ARHGEF28: variants seen among roughly 807,000 people sequenced by gnomAD.
ARHGEF28 encodes the protein 190 kDa guanine nucleotide exchange factor.
ARHGEF28 carries 152 observed loss-of-function variants against 206.6 expected under a neutral mutation model. The ratio of observed to expected loss-of-function variants is 0.74; its 90% CI spans 0.64 to 0.84. The LOEUF (loss-of-function observed/expected upper bound fraction) is 0.84, where lower values mean the gene tolerates loss of function less well. Among genes scored for constraint, ARHGEF28 ranks in the 40% least tolerant of loss-of-function variants. The pLI is 0.00. For synonymous variants in ARHGEF28, 763 were observed against 776.4 expected, an observed-to-expected ratio of 0.98 and a Z score of 0.29; for missense variants, 2,028 against 2,073.2, an observed-to-expected ratio of 0.98 and a Z score of 0.42.
intron 29 of ARHGEF28, among the ~76,000 whole-genome samples, chr5:73,897,274 A>G (rs1319242865): frequency 2.6e-5 from 4 of 152,188 alleles, no homozygotes; most frequent in Non-Finnish European, 5.9e-5. Flanking sequence ...AGTGCTGATC[A>G]CATGCTTCTG....
chr5:73,931,315 T>C (rs80274136), intron 35 of ARHGEF28, among the ~76,000 whole-genome samples: 5,669 of 152,280 alleles, frequency 0.037, 321 homozygotes, highest in African/African-American at 0.12. Context: ...TTATCACATG[T>C]TTCAGTGAGG....
At chr5:73,785,044 A>T (rs532756244) in intron 7 of ARHGEF28, among the ~76,000 whole-genome samples, 17 of 152,318 alleles carry the variant, frequency 1.1e-4, no homozygotes, top group African/African-American at 3.8e-4. Context: ...ATGAGATTTC[A>T]TCATACTACT....
At chr5:73,758,596 C>T (rs1383401545) in intron 4 of ARHGEF28, among the ~76,000 whole-genome samples, 1 of 152,044 alleles carries the variant, frequency 6.6e-6, no homozygotes, top group Non-Finnish European at 1.5e-5. Context: ...CACTCTGTTG[C>T]CCAGGCTGGA....
chr5:73,667,085 A>G (rs780254991), intron 1 of ARHGEF28, among the ~76,000 whole-genome samples: 4 of 152,170 alleles, frequency 2.6e-5, no homozygotes, highest in Non-Finnish European at 5.9e-5. Context: ...TAGTTGGTTG[A>G]TATCAGTGGT....
intron 10 of ARHGEF28, among the ~76,000 whole-genome samples, chr5:73,834,430 G>A (rs1459846713): frequency 6.6e-6 from 1 of 152,066 alleles, no homozygotes; most frequent in Non-Finnish European, 1.5e-5. Context: ...AGATCATGCA[G>A]TATTTGTTTT....
At chr5:73,637,703 A>C (rs896388465) in intron 1 of ARHGEF28, among the ~76,000 whole-genome samples, 1 of 152,186 alleles carries the variant, frequency 6.6e-6, no homozygotes, top group African/African-American at 2.4e-5. Context: ...GGGTTTAGCT[A>C]GTAATTGCTG....
chr5:73,939,317 C>A (rs1275836805), intron 35 of ARHGEF28, among the ~76,000 whole-genome samples: 1 of 152,142 alleles, frequency 6.6e-6, no homozygotes, highest in Non-Finnish European at 1.5e-5. Context: ...GTTAGAGGCA[C>A]CTTCTGCAGG....
intron 1 of ARHGEF28, among the ~76,000 whole-genome samples, chr5:73,628,246 A>G (rs957808442): frequency 6.6e-6 from 1 of 152,200 alleles, no homozygotes; most frequent in African/African-American, 2.4e-5. Context: ...CCCGTGAGAA[A>G]AGACTATGTG....
chr5:73,653,453 G>A (rs936027670), intron 1 of ARHGEF28, among the ~76,000 whole-genome samples: 2 of 152,182 alleles, frequency 1.3e-5, no homozygotes, highest in Non-Finnish European at 2.9e-5. Flanking sequence ...GAGGATATAT[G>A]CTTATGCTTC....
At position 73,848,972 on chromosome 5, in the gene ARHGEF28, T is replaced by C; in HGVS notation, c.1636-4T>C. ...TTTAAACACTTTATTATAATCTCTT[T>C]TAGGAATCACTGCTTTCTGGAGTTC... On this transcript the variant is annotated splice_polypyrimidine_tract_variant and splice_region_variant and intron_variant, in intron 12 of 35. Coordinates refer to ENST00000513042, the MANE Select transcript of ARHGEF28 (RefSeq NM_001177693.2). 6.5e-7 allele frequency: 1 copy of C among 1,538,278 alleles called. No individual in the cohort carries two copies. The highest frequency in any genetic ancestry group is 8.8e-7 in the Non-Finnish European group (1 of 1,131,648).
chr5:73,829,420 G>A (rs752592702), intron 9 of ARHGEF28, among the ~76,000 whole-genome samples: 6 of 152,138 alleles, frequency 3.9e-5, no homozygotes, highest in East Asian at 1.9e-4. Context: ...TCACTCTGTC[G>A]CCAAGGCTGG....
At chr5:73,627,920 C>T (rs1270656735) in intron 1 of ARHGEF28, among the ~76,000 whole-genome samples, 1 of 151,950 alleles carries the variant, frequency 6.6e-6, no homozygotes, top group Non-Finnish European at 1.5e-5. Context: ...ACCACACAAT[C>T]TGGCCAACTA....
intron 7 of ARHGEF28, among the ~76,000 whole-genome samples, chr5:73,790,974 T>A (rs1020461768): frequency 6.6e-6 from 1 of 152,242 alleles, no homozygotes; most frequent in Non-Finnish European, 1.5e-5. Context: ...CATCTGTCTA[T>A]GAATCTGGCA....
chr5:73,718,197 A>G lies in ARHGEF28; in HGVS notation c.34-31640A>G, dbSNP rs115286293. Among the ~76,000 whole-genome samples the G allele has an allele frequency of 2.0e-5, 3 of 152,152 alleles. No individual in the cohort carries two copies. The East Asian group carries it at 5.8e-4, about 29-fold the overall frequency. On this transcript the variant is annotated intron_variant, in intron 2 of 35. Transcript: ENST00000513042. ...AAAATTTGTTTTTGGTATGTATACT[A>G]GTTAGCAGGATTATAGACCTCCCAA...
intron 4 of ARHGEF28, among the ~76,000 whole-genome samples, chr5:73,767,251 A>G (rs1472402951): frequency 6.6e-6 from 1 of 152,046 alleles, no homozygotes; most frequent in Non-Finnish European, 1.5e-5. Context: ...GTAAATTGGT[A>G]CCACTAGAGT....
At chr5:73,721,224 T>A (rs529718969) in intron 2 of ARHGEF28, among the ~76,000 whole-genome samples, 2 of 152,156 alleles carry the variant, frequency 1.3e-5, no homozygotes, top group Non-Finnish European at 2.9e-5. Flanking sequence ...ATAGGCTGGG[T>A]TGCATTGTCC....
chr5:73,879,865 GGGGGTCA>G (rs1286793602), intron 22 of ARHGEF28, among the ~76,000 whole-genome samples: 1 of 152,200 alleles, frequency 6.6e-6, no homozygotes, highest in East Asian at 1.9e-4. Context: ...TAGGCTGCTC[GGGGGTCA>G]GGGGTCAGGG....
chr5:73,777,114 G>T (rs552264213), intron 6 of ARHGEF28, among the ~76,000 whole-genome samples: 1 of 152,210 alleles, frequency 6.6e-6, no homozygotes, highest in African/African-American at 2.4e-5. Flanking sequence ...TACAGATTCT[G>T]CTTGAATGGA....
intron 2 of ARHGEF28, among the ~76,000 whole-genome samples, chr5:73,742,223 G>A (rs929407470): frequency 2.6e-5 from 4 of 151,888 alleles, no homozygotes; most frequent in East Asian, 1.9e-4. Context: ...CAGTGTATAG[G>A]TATCGTTATT....
Sources: gnomAD v4.1 joint callset for allele counts (sites outside exome capture counted in the v4.1 genomes callset) on GRCh38, gnomAD v4.1.1 for gene constraint, MANE v1.5 for transcripts, NCBI Gene and HGNC (gene_info 2026-07-23, HGNC 2026-07-21) for gene names.